Variants in SORCS3 observed in about 807,000 individuals in gnomAD.
SORCS3 encodes the protein sortilin related VPS10 domain containing receptor 3, also known as VPS10 domain-containing receptor SorCS3.
Under a neutral mutation model 146.3 loss-of-function variants are expected in SORCS3, and 57 were observed. The ratio of observed to expected loss-of-function variants is 0.39; its 90% CI spans 0.31 to 0.49. The LOEUF (loss-of-function observed/expected upper bound fraction) is 0.49. Ranked by LOEUF, SORCS3 falls within the 20% of genes least tolerant of loss-of-function variation. The pLI is 0.92. For missense variants in SORCS3, 1,341 were observed against 1,575.5 expected (o/e 0.85, Z 2.52); for synonymous variants, 653 against 618.5 (o/e 1.06, Z -0.83).
At chr10:105,206,061 A>G (rs2056600173) in intron 16 of SORCS3, among the ~76,000 whole-genome samples, 2 of 152,194 alleles carry the variant, frequency 1.3e-5, no homozygotes, top group Non-Finnish European at 2.9e-5. Context: ...TCCGAAGTAC[A>G]TTAATCTAGT....
At chr10:104,727,888 T>G (rs200226203) in intron 1 of SORCS3, among the ~76,000 whole-genome samples, 1 of 152,288 alleles carries the variant, frequency 6.6e-6, no homozygotes, top group East Asian at 1.9e-4. Flanking sequence ...TAATGCTTAA[T>G]GATCTGAGAT....
At chr10:104,861,676 G>T (rs906550050) in intron 2 of SORCS3, among the ~76,000 whole-genome samples, 3 of 152,168 alleles carry the variant, frequency 2.0e-5, no homozygotes, top group African/African-American at 7.2e-5. Context: ...CAAAGGGAAA[G>T]CATGGAGAGT....
At chr10:104,790,420 C>T (rs2079970448) in intron 1 of SORCS3, among the ~76,000 whole-genome samples, 1 of 152,190 alleles carries the variant, frequency 6.6e-6, no homozygotes, top group South Asian at 2.1e-4. Flanking sequence ...GGCAGAAAAC[C>T]TTCTGGTCCT....
chr10:105,128,158 A>G (rs944923173), intron 7 of SORCS3, among the ~76,000 whole-genome samples: 8 of 152,188 alleles, frequency 5.3e-5, no homozygotes, highest in Admixed American at 2.6e-4. Context: ...CATGGTAAGC[A>G]TAGAGCCTGG....
chr10:105,232,770 T>C (rs1589700657), intron 20 of SORCS3, among the ~76,000 whole-genome samples: 1 of 152,142 alleles, frequency 6.6e-6, no homozygotes, highest in Non-Finnish European at 1.5e-5. Flanking sequence ...TGACATTTAT[T>C]TTTTGACTAA....
At chr10:104,995,156 T>TTC in intron 4 of SORCS3, among the ~76,000 whole-genome samples, 1 of 149,146 alleles carries the variant, frequency 6.7e-6, no homozygotes, top group Admixed American at 6.6e-5. Context: ...TTTTCTTTCT[T>TTC]TCTTTCTCTT....
At chr10:105,224,799 T>C (rs1267448013) in intron 20 of SORCS3, among the ~76,000 whole-genome samples, 1 of 152,194 alleles carries the variant, frequency 6.6e-6, no homozygotes, top group African/African-American at 2.4e-5. Flanking sequence ...TGTAATGATA[T>C]CACATTTTTG....
chr10:105,031,332 AACACACAC>A (rs371026666), intron 4 of SORCS3, among the ~76,000 whole-genome samples: 8,321 of 113,530 alleles, frequency 0.073, 261 homozygotes, highest in Middle Eastern at 0.097. Flanking sequence ...CACACACACA[AACACACAC>A]ACACACACAC....
rs1554871577 is a variant in SORCS3, at chr10:105,041,410, A to AAAT, written c.955-1644_955-1643insATA. On this transcript the variant is annotated intron_variant, in intron 4 of 26. Transcript: ENST00000369701. ...ACAGGCTATTTTGAGGATTAAAAAA[A>AAAT]ATATATATATATATATACACACACA... Among the ~76,000 whole-genome samples the AAAT allele has an allele frequency of 8.4e-4, 121 of 144,338 alleles. 1 individual carries two copies. The highest frequency in any genetic ancestry group is 8.3e-3 in the Admixed American group (119 of 14,284). The allele number at this position is 144,338 out of a possible 152,430, so 94.7% of individuals were successfully genotyped here.
At chr10:104,912,412 A>T (rs116784453) in intron 2 of SORCS3, among the ~76,000 whole-genome samples, 155 of 152,342 alleles carry the variant, frequency 1.0e-3, no homozygotes, top group African/African-American at 3.6e-3. Flanking sequence ...TGCCTAGGAT[A>T]GTTGCTCAGG....
intron 6 of SORCS3, among the ~76,000 whole-genome samples, chr10:105,091,219 C>G (rs1167506918): frequency 8.3e-6 from 1 of 120,318 alleles, no homozygotes; most frequent in East Asian, 2.5e-4. Context: ...TTCCTTCCTT[C>G]CCTCCTTCCT....
intron 3 of SORCS3, among the ~76,000 whole-genome samples, chr10:104,939,677 C>G (rs1417351441): frequency 6.6e-6 from 1 of 152,182 alleles, no homozygotes; most frequent in Non-Finnish European, 1.5e-5. Flanking sequence ...CAAAAACCTA[C>G]TCAGAAAATG....
chr10:105,087,497 AAAAG>A (rs1415153906), intron 5 of SORCS3, among the ~76,000 whole-genome samples: 3 of 151,846 alleles, frequency 2.0e-5, no homozygotes, highest in Non-Finnish European at 4.4e-5. Context: ...GAAAAAAAAA[AAAAG>A]AAAGAAAGAA....
chr10:104,902,999 T>C (rs2018867743), intron 2 of SORCS3, among the ~76,000 whole-genome samples: 1 of 152,214 alleles, frequency 6.6e-6, no homozygotes, highest in South Asian at 2.1e-4. Flanking sequence ...ACCCTTGCCA[T>C]GTGATACTTT....
chr10:105,145,733 C>T (rs1050475077), intron 8 of SORCS3, among the ~76,000 whole-genome samples: 3 of 152,088 alleles, frequency 2.0e-5, no homozygotes, highest in African/African-American at 4.8e-5. Context: ...TCAGCAGGAA[C>T]CTGTAATTCT....
At chr10:104,685,375 G>T (rs1369398107) in intron 1 of SORCS3, among the ~76,000 whole-genome samples, 1 of 152,160 alleles carries the variant, frequency 6.6e-6, no homozygotes, top group Non-Finnish European at 1.5e-5. Context: ...CCTACAGTGG[G>T]CAGGAGCTTC....
Position 105,252,771 on chromosome 10 carries a change from G to T in SORCS3, c.3106-4G>T. On this transcript the variant is annotated splice_polypyrimidine_tract_variant and splice_region_variant and intron_variant, in intron 22 of 26. Transcript: ENST00000369701. Reference sequence around the variant, plus strand: ...AGCCTCTCTTTGTCTGAACATCTTTGCAGGTAACCAGTGTCCCAGAGGACC... The same window carrying T: ...AGCCTCTCTTTGTCTGAACATCTTTTCAGGTAACCAGTGTCCCAGAGGACC... The T allele has an allele frequency of 6.2e-7, 1 of 1,613,838 alleles. No individual in the cohort carries two copies. Among genetic ancestry groups the T allele is most frequent in the Non-Finnish European group, 8.5e-7 (1 of 1,179,850 alleles).
chr10:105,004,617 G>C (rs1364523875), intron 4 of SORCS3, among the ~76,000 whole-genome samples: 1 of 152,016 alleles, frequency 6.6e-6, no homozygotes, highest in East Asian at 1.9e-4. Context: ...TTTGTTTTTG[G>C]TTGAATGCAA....
intron 3 of SORCS3, among the ~76,000 whole-genome samples, chr10:104,959,249 A>G (rs2054775672): frequency 6.6e-6 from 1 of 152,202 alleles, no homozygotes; most frequent in African/African-American, 2.4e-5. Flanking sequence ...ATTCACCCCT[A>G]CACATACCAA....
Sources: allele counts gnomAD v4.1 joint callset (sites outside exome capture counted in the v4.1 genomes callset), GRCh38; gene constraint gnomAD v4.1.1; transcripts MANE v1.5; gene names NCBI Gene and HGNC (gene_info 2026-07-23, HGNC 2026-07-21).